RAD51B: variants seen among roughly 807,000 people sequenced by gnomAD.
RAD51B encodes the protein DNA repair protein RAD51 homolog 2.
RAD51B carries 38 observed loss-of-function variants against 42.2 expected under a neutral mutation model. The observed-to-expected ratio is 0.90, with a 90% CI of 0.70 to 1.18. The LOEUF is 1.18. Ranked by LOEUF, RAD51B falls within the 50% of genes most tolerant of loss-of-function variation. The probability of loss-of-function intolerance (pLI) is 0.00; values close to 1 mark genes in which losing one functional copy is unlikely to be tolerated. For synonymous variants in RAD51B, 154 were observed against 145.2 expected, an observed-to-expected ratio of 1.06 and a Z score of -0.43; for missense variants, 373 against 400.7, an observed-to-expected ratio of 0.93 and a Z score of 0.59.
intron 7 of RAD51B, among the ~76,000 whole-genome samples, chr14:68,190,785 A>G (rs1380315833): frequency 6.6e-6 from 1 of 152,164 alleles, no homozygotes; most frequent in Non-Finnish European, 1.5e-5. Flanking sequence ...TCCATTTAGG[A>G]TGTAATCTGT....
At position 68,360,540 on chromosome 14, in the gene RAD51B, A is replaced by T. The variant is rs181798142; in HGVS notation, c.854-50884A>T. Reference sequence around the variant, plus strand: ...TCTTACTGGGCATGTGCCATGTACTAGGTCTTTTTCATACTCATCTCTAAT... The same window carrying T: ...TCTTACTGGGCATGTGCCATGTACTTGGTCTTTTTCATACTCATCTCTAAT... On this transcript the variant is annotated intron_variant, in intron 8 of 10. Transcript: ENST00000471583. Among the ~76,000 whole-genome samples, 10 of 152,304 alleles carry T rather than the reference A, an allele frequency of 6.6e-5. No homozygotes were observed. The East Asian group carries it at 1.9e-3, about 29-fold the overall frequency.
At chr14:68,476,702 T>C (rs1882643826) in intron 10 of RAD51B, among the ~76,000 whole-genome samples, 1 of 152,196 alleles carries the variant, frequency 6.6e-6, no homozygotes, top group Admixed American at 6.5e-5. Context: ...TCGCCAGCCA[T>C]GCGAAACTTC....
intron 7 of RAD51B, among the ~76,000 whole-genome samples, chr14:68,170,080 T>C (rs1595504014): frequency 1.3e-5 from 2 of 152,262 alleles, no homozygotes; most frequent in Non-Finnish European, 2.9e-5. Context: ...TTTTCTGACT[T>C]CTCCATTAGG....
At position 68,438,942 on chromosome 14, in the gene RAD51B, T is replaced by C. The variant is rs1032623797; in HGVS notation, c.957+27415T>C. 3.9e-5 allele frequency among the ~76,000 whole-genome samples: 6 copies of C among 152,060 alleles called. No individual in the cohort carries two copies. In the South Asian group the frequency reaches 8.3e-4, roughly 21 times the overall value. Reference sequence around the variant, plus strand: ...TTTCTGAAAGACCCACATCTGCAAATTGGGAATCAGGAATCCTTGCTTTCG... The same window carrying C: ...TTTCTGAAAGACCCACATCTGCAAACTGGGAATCAGGAATCCTTGCTTTCG... On this transcript the variant is annotated intron_variant, in intron 9 of 10. Coordinates refer to ENST00000471583, the MANE Select transcript of RAD51B (RefSeq NM_133510.4).
intron 11 of RAD51B, among the ~76,000 whole-genome samples, chr14:68,655,917 T>C (rs1274245966): frequency 6.6e-6 from 1 of 152,176 alleles, no homozygotes; most frequent in East Asian, 1.9e-4. Flanking sequence ...CTGAGACAAG[T>C]AACTGCCTCA....
intron 7 of RAD51B, among the ~76,000 whole-genome samples, chr14:68,278,959 A>G (rs2081273115): frequency 6.6e-6 from 1 of 152,198 alleles, no homozygotes; most frequent in Non-Finnish European, 1.5e-5. Context: ...TTCTCCTAAC[A>G]AATGACCATT....
intron 4 of RAD51B, among the ~76,000 whole-genome samples, chr14:67,860,584 T>C (rs1047970726): frequency 4.6e-5 from 7 of 152,184 alleles, no homozygotes; most frequent in Admixed American, 3.9e-4. Context: ...GTTAATGCTA[T>C]GCATGCTGGA....
At chr14:68,673,986 T>C (rs574130096) in intron 11 of RAD51B, among the ~76,000 whole-genome samples, 61 of 152,108 alleles carry the variant, frequency 4.0e-4, no homozygotes, top group Non-Finnish European at 5.6e-4. Flanking sequence ...ACACATACTG[T>C]ACACACATAT....
intron 8 of RAD51B, among the ~76,000 whole-genome samples, chr14:68,370,847 A>G (rs2083239753): frequency 6.6e-6 from 1 of 151,582 alleles, no homozygotes; most frequent in Non-Finnish European, 1.5e-5. Context: ...GTTCGACCCA[A>G]TATGGTGAAA....
chr14:68,114,181 C>G (rs931126592), intron 7 of RAD51B: 1 of 152,082 alleles, frequency 6.6e-6, no homozygotes, highest in Non-Finnish European at 1.5e-5. Context: ...ATTCTAAATG[C>G]TTGTGATCAT....
intron 4 of RAD51B, among the ~76,000 whole-genome samples, chr14:67,848,714 C>G (rs1051183367): frequency 1.3e-5 from 2 of 152,126 alleles, no homozygotes; most frequent in African/African-American, 2.4e-5. Context: ...TTTGTGGTAG[C>G]AGGTGTCGTT....
intron 8 of RAD51B, among the ~76,000 whole-genome samples, chr14:68,380,611 C>CA (rs2083460605): frequency 6.6e-6 from 1 of 152,066 alleles, no homozygotes; most frequent in African/African-American, 2.4e-5. Flanking sequence ...CAAGAGTCAT[C>CA]AGTGGAAAAA....
At chr14:67,842,063 G>A (rs1173282442) in intron 4 of RAD51B, among the ~76,000 whole-genome samples, 1 of 152,108 alleles carries the variant, frequency 6.6e-6, no homozygotes, top group Non-Finnish European at 1.5e-5. Context: ...ATGATTTCTT[G>A]TAGCAGTGTT....
intron 7 of RAD51B, among the ~76,000 whole-genome samples, chr14:67,987,164 G>A (rs2075209071): frequency 6.6e-6 from 1 of 152,170 alleles, no homozygotes; most frequent in African/African-American, 2.4e-5. Context: ...ATCCCCTCAA[G>A]CATTTATCCT....
At chr14:67,893,505 CACACA>C (rs1241660003) in intron 7 of RAD51B, among the ~76,000 whole-genome samples, 5 of 100,204 alleles carry the variant, frequency 5.0e-5, no homozygotes, top group South Asian at 6.3e-4. Flanking sequence ...CACACACACA[CACACA>C]AAAAAAAACA....
At chr14:67,983,477 C>T (rs1220425949) in intron 7 of RAD51B, among the ~76,000 whole-genome samples, 1 of 152,026 alleles carries the variant, frequency 6.6e-6, no homozygotes, top group African/African-American at 2.4e-5. Context: ...ACAAATATAC[C>T]ATTTGGACAG....
chr14:68,514,074 G>A lies in RAD51B; in HGVS notation c.1036+45824G>A, dbSNP rs984440782. 5.9e-5 allele frequency among the ~76,000 whole-genome samples: 9 copies of A among 152,204 alleles called. No homozygotes were observed. The East Asian group carries it at 1.7e-3, about 29-fold the overall frequency. On this transcript the variant is annotated intron_variant, in intron 10 of 10. Transcript: ENST00000487270. ...AACGGTGGTCACTGTGATTGATCAT[G>A]TGAATCTCCATCCTCGCTCTGCTAC...
chr14:68,321,331 C>A (rs2082153869), intron 8 of RAD51B, among the ~76,000 whole-genome samples: 1 of 152,190 alleles, frequency 6.6e-6, no homozygotes. Flanking sequence ...ATTCCCCTGT[C>A]CTTTTCTAAC....
At chr14:68,443,343 T>C (rs2140166652) in intron 9 of RAD51B, among the ~76,000 whole-genome samples, 1 of 152,310 alleles carries the variant, frequency 6.6e-6, no homozygotes, top group East Asian at 1.9e-4. Flanking sequence ...ATGTTGAATG[T>C]GTTCACGAGT....
Sources: allele counts gnomAD v4.1 joint callset (sites outside exome capture counted in the v4.1 genomes callset), GRCh38; gene constraint gnomAD v4.1.1; transcripts MANE v1.5; gene names NCBI Gene and HGNC (gene_info 2026-07-23, HGNC 2026-07-21).